The following CACNG2 variants were observed in gnomAD, a reference collection of about 807,000 sequenced individuals.
The protein encoded by CACNG2 is voltage-dependent calcium channel gamma-2 subunit.
Under a neutral mutation model 25.9 loss-of-function variants are expected in CACNG2, and 3 were observed. That is an observed-to-expected ratio of 0.12 (90% confidence interval 0.05 to 0.30). The LOEUF (loss-of-function observed/expected upper bound fraction) is 0.30, where lower values mean the gene tolerates loss of function less well. Ranked by LOEUF, CACNG2 falls within the 10% of genes least tolerant of loss-of-function variation. CACNG2 has a pLI of 1.00. For synonymous variants in CACNG2, 167 were observed against 173.3 expected, an observed-to-expected ratio of 0.96 and a Z score of 0.29; for missense variants, 341 against 432.5, an observed-to-expected ratio of 0.79 and a Z score of 1.88.
intron 1 of CACNG2, among the ~76,000 whole-genome samples, chr22:36,612,381 G>A (rs1409184587): frequency 7.2e-5 from 11 of 152,150 alleles, no homozygotes. Flanking sequence ...TAAGGTGCCT[G>A]GCACATAGTA....
chr22:36,574,368 G>A (rs1316523561), intron 2 of CACNG2, among the ~76,000 whole-genome samples: 1 of 152,118 alleles, frequency 6.6e-6, no homozygotes, highest in Non-Finnish European at 1.5e-5. Context: ...CTTGATGGAT[G>A]GATATGGGTA....
rs1569032646 is a variant in CACNG2 at position 36,623,011 on chromosome 22, G to GATTTTTTTTTTTTTTTTTTTTTTT, written c.212-35464_212-35463insAAAAAAAAAAAAAAAAAAAAAAAT. 3.2e-5 allele frequency among the ~76,000 whole-genome samples: 3 copies of GATTTTTTTTTTTTTTTTTTTTTTT among 93,224 alleles called. 1 individual carries two copies. 61.2% of individuals were successfully genotyped at this position (93,224 alleles called of 152,430 possible). On this transcript the variant is annotated intron_variant, in intron 1 of 3. Coordinates refer to ENST00000300105, the MANE Select transcript of CACNG2 (RefSeq NM_006078.5). ...TTTCTCATTCAGTCTTCAAAACATG[G>GATTTTTTTTTTTTTTTTTTTTTTT]GTTTTTTTTTTTTTTTTTTTTTTTT...
chr22:36,614,343 T>C (rs1935991792), intron 1 of CACNG2, among the ~76,000 whole-genome samples: 1 of 152,196 alleles, frequency 6.6e-6, no homozygotes, highest in African/African-American at 2.4e-5. Flanking sequence ...GTGCTCAGTT[T>C]ACACATCATT....
chr22:36,660,278 A>C (rs1936772327), intron 1 of CACNG2, among the ~76,000 whole-genome samples: 1 of 152,126 alleles, frequency 6.6e-6, no homozygotes, highest in African/African-American at 2.4e-5. Context: ...TTCCAAATCA[A>C]ACAGGAAATC....
chr22:36,666,778 C>T (rs956031957), intron 1 of CACNG2, among the ~76,000 whole-genome samples: 2 of 151,996 alleles, frequency 1.3e-5, no homozygotes, highest in African/African-American at 4.8e-5. Context: ...ACCATACTTC[C>T]TAACTTCCTA....
At chr22:36,626,689 T>C (rs1442222777) in intron 1 of CACNG2, among the ~76,000 whole-genome samples, 1 of 152,184 alleles carries the variant, frequency 6.6e-6, no homozygotes, top group Admixed American at 6.5e-5. Context: ...GTCTCTTCAA[T>C]GGTTTGCTTT....
chr22:36,597,186 C>A lies in CACNG2; in HGVS notation c.212-9638G>T, dbSNP rs116175141. 5.5e-3 allele frequency among the ~76,000 whole-genome samples: 838 copies of A among 152,170 alleles called. 11 individuals are homozygous for A. The highest frequency in any genetic ancestry group is 0.019 in the African/African-American group (808 of 41,508). Reference sequence around the variant, plus strand: ...TACAGGCATCAGCCATCACTCCTGGCGAATTTTTTGTATTTTTAGTAGAGG... The same window carrying A: ...TACAGGCATCAGCCATCACTCCTGGAGAATTTTTTGTATTTTTAGTAGAGG... On this transcript the variant is annotated intron_variant, in intron 1 of 3. Transcript: ENST00000300105.
At chr22:36,675,276 C>T (rs1022684953) in intron 1 of CACNG2, among the ~76,000 whole-genome samples, 8 of 152,074 alleles carry the variant, frequency 5.3e-5, no homozygotes, top group African/African-American at 1.9e-4. Flanking sequence ...AATTCTTGGA[C>T]ACAAGCGATC....
intron 1 of CACNG2, among the ~76,000 whole-genome samples, chr22:36,632,702 A>G (rs975344791): frequency 2.0e-5 from 3 of 151,500 alleles, no homozygotes; most frequent in African/African-American, 2.4e-5. Context: ...GCCTTCGGGC[A>G]CCCCCTCGCT....
chr22:36,626,362 A>G (rs942671643), intron 1 of CACNG2, among the ~76,000 whole-genome samples: 9 of 152,244 alleles, frequency 5.9e-5, no homozygotes, highest in African/African-American at 1.7e-4. Flanking sequence ...GCATAACAGC[A>G]TTGACCTACC....
chr22:36,595,388 C>A (rs1475676627), intron 1 of CACNG2, among the ~76,000 whole-genome samples: 2 of 152,202 alleles, frequency 1.3e-5, no homozygotes, highest in East Asian at 3.8e-4. Flanking sequence ...AGTTTGAAAT[C>A]AGCCGTGGTA....
chr22:36,591,873 C>G (rs976152981), intron 1 of CACNG2, among the ~76,000 whole-genome samples: 5 of 151,754 alleles, frequency 3.3e-5, no homozygotes, highest in African/African-American at 1.2e-4. Flanking sequence ...GGGTGTAACA[C>G]TTCTCTTCTG....
intron 1 of CACNG2, among the ~76,000 whole-genome samples, chr22:36,690,207 G>A (rs1937251137): frequency 6.6e-6 from 1 of 152,180 alleles, no homozygotes; most frequent in South Asian, 2.1e-4. Flanking sequence ...ACGGTGGAGC[G>A]GAGCAGCCAT....
At chr22:36,628,077 A>G (rs1442448409) in intron 1 of CACNG2, among the ~76,000 whole-genome samples, 1 of 152,224 alleles carries the variant, frequency 6.6e-6, no homozygotes, top group African/African-American at 2.4e-5. Flanking sequence ...CTAAAATGTT[A>G]CCAATGATTA....
chr22:36,564,390 G>T lies in CACNG2; in HGVS notation c.933C>A (p.Leu311=), dbSNP rs1935089148. 6.2e-7 allele frequency: 1 copy of T among 1,614,076 alleles called. No individual in the cohort carries two copies. The highest frequency in any genetic ancestry group is 8.5e-7 in the Non-Finnish European group (1 of 1,179,970). Residue 311 remains leucine (L), a synonymous_variant, in exon 4 of 4, where the codon CTC becomes CTA. Coordinates refer to ENST00000300105, the MANE Select transcript of CACNG2 (RefSeq NM_006078.5). This position sits in a 1 kb window ranked among gnomAD's most constrained non-coding sequence, Gnocchi z 6.7. Reference sequence around the variant, plus strand: ...TCCGGCGGTTGGCTGTGTTGGAGTGGAGAGAGTCCTTGTTCTCCTTCTGGA... The same window carrying T: ...TCCGGCGGTTGGCTGTGTTGGAGTGTAGAGAGTCCTTGTTCTCCTTCTGGA... ...NCIQKENKDS[L]HSNTANRRTT...
intron 1 of CACNG2, among the ~76,000 whole-genome samples, chr22:36,696,690 G>A (rs1032431096): frequency 6.6e-6 from 1 of 152,176 alleles, no homozygotes; most frequent in African/African-American, 2.4e-5. Flanking sequence ...CTACAAGGTG[G>A]TAAGTACTCT....
In CACNG2 at chr22:36,683,745, G is replaced by A. The variant is rs184126751; in HGVS notation, c.211+18621C>T. On this transcript the variant is annotated intron_variant, in intron 1 of 3. Coordinates refer to ENST00000300105, the MANE Select transcript of CACNG2 (RefSeq NM_006078.5). Reference sequence around the variant, plus strand: ...AGAGCTAATTCCTCTTGTTCTGATGGTGTCTTGGGAGGGGGCATCTCCTGA... The same window carrying A: ...AGAGCTAATTCCTCTTGTTCTGATGATGTCTTGGGAGGGGGCATCTCCTGA... 2.6e-3 allele frequency among the ~76,000 whole-genome samples: 394 copies of A among 152,192 alleles called. 4 individuals are homozygous for A. Among genetic ancestry groups the A allele is most frequent in the African/African-American group, 9.3e-3 (387 of 41,510 alleles).
chr22:36,620,630 C>T (rs533981281), intron 1 of CACNG2, among the ~76,000 whole-genome samples: 16 of 152,280 alleles, frequency 1.1e-4, no homozygotes, highest in South Asian at 2.1e-4. Context: ...TTAATTTCTC[C>T]GCACCTTTTT....
intron 1 of CACNG2, among the ~76,000 whole-genome samples, chr22:36,636,020 A>G (rs1469885060): frequency 6.6e-6 from 1 of 152,112 alleles, no homozygotes; most frequent in African/African-American, 2.4e-5. Context: ...CTTTTTCTGC[A>G]TACCTCTGAG....
Sources: allele counts gnomAD v4.1 joint callset (sites outside exome capture counted in the v4.1 genomes callset), GRCh38; gene constraint gnomAD v4.1.1; non-coding constraint Gnocchi (gnomAD v3.1); transcripts MANE v1.5; gene names NCBI Gene and HGNC (gene_info 2026-07-23, HGNC 2026-07-21).